The following NOS1 variants were observed in gnomAD, a reference collection of about 807,000 sequenced individuals.
NOS1 encodes the protein nitric oxide synthase 1, also known as NOS type I.
In NOS1, 51 loss-of-function variants were observed where a neutral mutation model predicts 164.5. That is an observed-to-expected ratio of 0.31 (90% CI 0.25 to 0.39). The LOEUF (loss-of-function observed/expected upper bound fraction) is 0.39, where lower values mean the gene tolerates loss of function less well. Ranked by LOEUF, NOS1 falls within the 10% of genes least tolerant of loss-of-function variation. NOS1 has a pLI of 1.00. For missense variants in NOS1, 1,362 were observed against 1,885.6 expected (o/e 0.72, Z 5.14); for synonymous variants, 719 against 745.8 (o/e 0.96, Z 0.59).
chr12:117,308,813 T>C (rs1009300905), intron 3 of NOS1, among the ~76,000 whole-genome samples: 1 of 152,114 alleles, frequency 6.6e-6, no homozygotes, highest in Non-Finnish European at 1.5e-5. Context: ...GTCAGGCTGG[T>C]CTTGAACTCT....
intron 16 of NOS1, 40 bp from the exon 17 acceptor site, chr12:117,253,794 G>A (rs1871259275): frequency 7.0e-7 from 1 of 1,422,436 alleles, no homozygotes; most frequent in Non-Finnish European, 9.9e-7. Flanking sequence ...CTGGCCTGGA[G>A]CTCCCTCCTG....
chr12:117,235,637 G>A (rs75844485), intron 20 of NOS1, among the ~76,000 whole-genome samples: 1,917 of 152,244 alleles, frequency 0.013, 35 homozygotes, highest in African/African-American at 0.043. Flanking sequence ...TGATGCCACC[G>A]GGTTATAACC....
intron 9 of NOS1, among the ~76,000 whole-genome samples, chr12:117,275,314 G>T (rs1025569956): frequency 7.2e-5 from 11 of 151,906 alleles, no homozygotes; most frequent in African/African-American, 2.4e-4. Context: ...ATACCATTCA[G>T]CCATAAAAAA....
In NOS1 at chr12:117,337,104, C is replaced by CTATTTTTTTTTTTTTTT. The variant is rs1566082153; in HGVS notation, c.-420-5616_-420-5615insAAAAAAAAAAAAAAATA. 5.3e-5 allele frequency among the ~76,000 whole-genome samples: 5 copies of CTATTTTTTTTTTTTTTT among 94,074 alleles called. 2 individuals are homozygous for CTATTTTTTTTTTTTTTT. The allele number at this position is 94,074 out of a possible 152,430, so 61.7% of individuals were successfully genotyped here. ...AGCCACTGTACCCAGCTGCTTTTTACTCTTTTTTTTTTTTTTTTTTTTTTT... is the reference window on the plus strand; with the variant it reads ...AGCCACTGTACCCAGCTGCTTTTTACTATTTTTTTTTTTTTTTTCTTTTTTTTTTTTTTTTTTTTTTT... On this transcript the variant is annotated intron_variant, in intron 1 of 28. Transcript: ENST00000317775.
At chr12:117,339,252 C>T (rs1036406406) in intron 1 of NOS1, among the ~76,000 whole-genome samples, 1 of 152,120 alleles carries the variant, frequency 6.6e-6, no homozygotes, top group Non-Finnish European at 1.5e-5. Context: ...CACGGAATTC[C>T]CCCAGTTTCA....
At position 117,209,980 on chromosome 12, in the gene NOS1, A is replaced by G; in HGVS notation, c.*5329T>C. The G allele has an allele frequency of 2.0e-6, 2 of 985,144 alleles. No individual in the cohort carries two copies. Among genetic ancestry groups the G allele is most frequent in the Non-Finnish European group, 2.4e-6 (2 of 829,914 alleles). The allele number at this position is 985,144 out of a possible 1,614,324, so 61.0% of individuals were successfully genotyped here. On this transcript the variant is annotated 3_prime_UTR_variant, in exon 29 of 29. Coordinates refer to ENST00000317775, the MANE Select transcript of NOS1 (RefSeq NM_000620.5). Reference sequence around the variant, plus strand: ...ATCCCAGCACCTGGTCTTTCATTTTAATTTTTTTTAGAGACAGGGTCTTGC... The same window carrying G: ...ATCCCAGCACCTGGTCTTTCATTTTGATTTTTTTTAGAGACAGGGTCTTGC...
chr12:117,236,384 G>A (rs904286229), intron 20 of NOS1, among the ~76,000 whole-genome samples: 17 of 152,086 alleles, frequency 1.1e-4, no homozygotes, highest in African/African-American at 3.6e-4. Flanking sequence ...AAAAAGAGTT[G>A]AGCGGGCACA....
intron 1 of NOS1, among the ~76,000 whole-genome samples, chr12:117,346,332 G>A (rs1476008498): frequency 4.6e-5 from 7 of 152,130 alleles, no homozygotes; most frequent in Admixed American, 2.0e-4. Context: ...TTAGCCAGGC[G>A]TGGTGGCACG....
intron 10 of NOS1, among the ~76,000 whole-genome samples, chr12:117,271,704 C>T (rs1026147425): frequency 3.3e-5 from 5 of 152,222 alleles, no homozygotes; most frequent in African/African-American, 1.2e-4. Context: ...TCTTTTGAAA[C>T]AAATCCAACA....
chr12:117,343,730 A>G (rs1326026300), intron 1 of NOS1, among the ~76,000 whole-genome samples: 1 of 152,218 alleles, frequency 6.6e-6, no homozygotes, highest in Non-Finnish European at 1.5e-5. Context: ...CTTGAGGCTC[A>G]ATCAAATTTC....
chr12:117,350,661 T>G (rs1876573640), intron 1 of NOS1, among the ~76,000 whole-genome samples: 1 of 152,166 alleles, frequency 6.6e-6, no homozygotes, highest in Admixed American at 6.5e-5. Flanking sequence ...CAGGGAAACT[T>G]CTTTTTGCTC....
Position 117,356,471 on chromosome 12 carries a change from C to G in NOS1, c.-421+5041G>C, listed in dbSNP as rs1593047183. On this transcript the variant is annotated intron_variant, in intron 1 of 28. Coordinates refer to ENST00000317775, the MANE Select transcript of NOS1 (RefSeq NM_000620.5). The surrounding 1 kb of genome is among the most constrained non-coding windows in gnomAD (Gnocchi z 4.2). ...CTACCACAGCACCTCACCTCCACCTCTCTTGCAGAAACTTCACGCCAGGTA... is the reference window on the plus strand; with the variant it reads ...CTACCACAGCACCTCACCTCCACCTGTCTTGCAGAAACTTCACGCCAGGTA... Among the ~76,000 whole-genome samples the G allele has an allele frequency of 6.6e-6, 1 of 152,216 alleles. No homozygotes were observed. Among genetic ancestry groups the G allele is most frequent in the African/African-American group, 2.4e-5 (1 of 41,454 alleles).
chr12:117,295,915 C>G (rs1172893198), intron 3 of NOS1, among the ~76,000 whole-genome samples: 1 of 151,922 alleles, frequency 6.6e-6, no homozygotes, highest in African/African-American at 2.4e-5. Context: ...ACATGTGAGC[C>G]ACTGTGCCGG....
intron 27 of NOS1, among the ~76,000 whole-genome samples, chr12:117,219,304 T>TTTTG (rs1956662401): frequency 7.3e-6 from 1 of 136,868 alleles, no homozygotes; most frequent in African/African-American, 3.1e-5. Flanking sequence ...TTTTGTTTTG[T>TTTTG]TTTTTTTGTT....
chr12:117,231,130 T>C (rs1333135556), intron 22 of NOS1, among the ~76,000 whole-genome samples: 2 of 151,854 alleles, frequency 1.3e-5, no homozygotes, highest in African/African-American at 4.8e-5. Flanking sequence ...GGTTTGATGG[T>C]GAAACTCCAT....
chr12:117,212,740 T>C lies in NOS1; in HGVS notation c.*2569A>G. 1 of 985,450 alleles carries C rather than the reference T, an allele frequency of 1.0e-6. No homozygotes were observed. The highest frequency in any genetic ancestry group is 1.2e-6 in the Non-Finnish European group (1 of 829,952). The allele number at this position is 985,450 out of a possible 1,614,324, so 61.0% of individuals were successfully genotyped here. A position where few individuals can be genotyped will look rare whatever the true frequency, so the allele number is the denominator to read the frequency against. ...TCTATTTTGCACTTAAACGGTTGGC[T>C]ACGAGGCCTGGATGAAAAGCCACCA... On this transcript the variant is annotated 3_prime_UTR_variant, in exon 29 of 29. Transcript: ENST00000317775.
In NOS1 at chr12:117,272,443, A is replaced by G; in HGVS notation, c.1781T>C (p.Met594Thr). The change falls in exon 10 of 29, where the codon ATG becomes ACG. Residue 594 changes from methionine to threonine, a missense_variant. Physicochemically the swap from Met to Thr is moderately conservative, Grantham distance 81. Coordinates refer to ENST00000317775, the MANE Select transcript of NOS1 (RefSeq NM_000620.5). This position sits in a 1 kb window ranked among gnomAD's most constrained non-coding sequence, Gnocchi z 4.3. ...FSACPFSGWYMGTEIGVRDYC... is the reference protein window; with the variant it reads ...FSACPFSGWYTGTEIGVRDYC... ...GTCGCGGACACCAATCTCTGTGCCC[A>G]TGTACCAGCCACTGAAGGGACAGGC... The G allele has an allele frequency of 6.2e-7, 1 of 1,614,116 alleles. No individual in the cohort carries two copies. Among genetic ancestry groups the G allele is most frequent in the Non-Finnish European group, 8.5e-7 (1 of 1,180,020 alleles).
intron 21 of NOS1, 100 bp from the exon 22 acceptor site, chr12:117,232,231 G>C: frequency 9.0e-7 from 1 of 1,111,024 alleles, no homozygotes; most frequent in Non-Finnish European, 1.3e-6. Context: ...GGCCAGGAGA[G>C]GAGGGTGGCT....
chr12:117,323,490 CT>C (rs1436947795), intron 2 of NOS1, among the ~76,000 whole-genome samples: 1 of 152,222 alleles, frequency 6.6e-6, no homozygotes, highest in Non-Finnish European at 1.5e-5. Flanking sequence ...TACTTGCTAG[CT>C]GTGTGATCTG....
Sources: gnomAD v4.1 joint callset for allele counts (sites outside exome capture counted in the v4.1 genomes callset) on GRCh38, gnomAD v4.1.1 for gene constraint, Gnocchi (gnomAD v3.1) non-coding constraint, MANE v1.5 for transcripts, NCBI Gene and HGNC (gene_info 2026-07-23, HGNC 2026-07-21) for gene names.